The following ZNF667 variants were observed in gnomAD, a reference collection of about 807,000 sequenced individuals.
The protein encoded by ZNF667 is zinc finger protein 667.
ZNF667 carries 13 observed loss-of-function variants against 31.8 expected under a neutral mutation model. That is an observed-to-expected ratio of 0.41 (90% confidence interval 0.27 to 0.65). ZNF667 has a LOEUF of 0.65. Among genes scored for constraint, ZNF667 ranks in the 30% least tolerant of loss-of-function variants. ZNF667 has a pLI of 0.32. For missense variants in ZNF667, 642 were observed against 725.6 expected (o/e 0.88, Z 1.32); for synonymous variants, 228 against 247.1 (o/e 0.92, Z 0.73).
intron 6 of ZNF667, chr19:56,444,301 G>A (rs1392454426): frequency 2.0e-5 from 8 of 398,146 alleles, no homozygotes; most frequent in African/African-American, 4.1e-5. Context: ...GGTGAAAGAC[G>A]AAGTAGGAGA....
At chr19:56,452,301 C>T (rs1461537235) in intron 6 of ZNF667, among the ~76,000 whole-genome samples, 4 of 152,060 alleles carry the variant, frequency 2.6e-5, no homozygotes, top group Admixed American at 6.5e-5. Flanking sequence ...CCGCCCACCT[C>T]GGCCTCCCAA....
At position 56,462,392 on chromosome 19, in the gene ZNF667, C is replaced by T; in HGVS notation, c.-22G>A. 1 of 1,614,114 alleles carries T rather than the reference C, an allele frequency of 6.2e-7. No homozygotes were observed. Among genetic ancestry groups the T allele is most frequent in the Non-Finnish European group, 8.5e-7 (1 of 1,179,994 alleles). ...GCATCCTTTCCTCCCCCTTTAGGGT[C>T]CACACTGAGAGATGGGCAGAGAGCT... is the stretch of plus-strand genomic sequence containing the variant. On this transcript the variant is annotated 5_prime_UTR_variant, in exon 4 of 7. Coordinates refer to ENST00000504904, the MANE Select transcript of ZNF667 (RefSeq NM_001321356.2).
At position 56,441,925 on chromosome 19, in the gene ZNF667, G is replaced by A. The variant is rs758989279; in HGVS notation, c.1070C>T (p.Pro357Leu). 1.5e-5 allele frequency: 25 copies of A among 1,614,090 alleles called. No homozygotes were observed. Among genetic ancestry groups the A allele is most frequent in the Non-Finnish European group, 1.9e-5 (23 of 1,180,026 alleles). ...LHQRIHTSEKPYKCDKCDKFF... is the reference protein window; with the variant it reads ...LHQRIHTSEKLYKCDKCDKFF... ...CTTGTCACATTTATCACATTTGTAC[G>A]GTTTCTCTGAAGTGTGAATTCTCTG... The change falls in exon 7 of 7, where the codon CCG becomes CTG. Residue 357 changes from proline to leucine, a missense_variant. Pro to Leu is a moderately conservative substitution (Grantham distance 98). Coordinates refer to ENST00000504904, the MANE Select transcript of ZNF667 (RefSeq NM_001321356.2). This position sits in a 1 kb window ranked among gnomAD's most constrained non-coding sequence, Gnocchi z 4.2.
Position 56,462,386 on chromosome 19 carries a change from T to C in ZNF667, c.-16A>G, listed in dbSNP as rs778211366. ...CAGAAGGCATCCTTTCCTCCCCCTT[T>C]AGGGTCCACACTGAGAGATGGGCAG... is the stretch of plus-strand genomic sequence containing the variant. On this transcript the variant is annotated 5_prime_UTR_variant, in exon 4 of 7. Transcript: ENST00000504904. The C allele has an allele frequency of 1.9e-6, 3 of 1,614,126 alleles. No individual in the cohort carries two copies. Among genetic ancestry groups the C allele is most frequent in the Non-Finnish European group, 2.5e-6 (3 of 1,180,004 alleles).
At chr19:56,458,332 G>C (rs2147765931) in intron 5 of ZNF667, 85 bp from the exon 6 acceptor site, 1 of 1,158,670 alleles carries the variant, frequency 8.6e-7, no homozygotes, top group Middle Eastern at 2.1e-4. Flanking sequence ...CAGGAATGCA[G>C]GTTTAGTAGC....
chr19:56,464,330 T>G (rs898878471), intron 3 of ZNF667, among the ~76,000 whole-genome samples: 2 of 152,030 alleles, frequency 1.3e-5, no homozygotes, highest in Non-Finnish European at 2.9e-5. Context: ...CCTGTCTCTA[T>G]AAAACATTAA....
intron 3 of ZNF667, among the ~76,000 whole-genome samples, chr19:56,467,421 A>G (rs2043186952): frequency 6.6e-6 from 1 of 152,196 alleles, no homozygotes; most frequent in Non-Finnish European, 1.5e-5. Flanking sequence ...CTGTCACACC[A>G]CAACAATCCA....
chr19:56,458,219 G>A lies in ZNF667; in HGVS notation c.189C>T (p.Ile63=). The change falls in exon 6 of 7, where the codon ATC becomes ATT. Residue 63 remains isoleucine (I), a synonymous_variant. Transcript: ENST00000504904. ...GTGCTTTCCCTTTCTCCAATAAGGT[G>A]ATCACATTTGGTCTCCGAAAGGAAA... The part of the protein sequence containing the change: ...LGLSFRRPNV[I]TLLEKGKAPW... 6.2e-7 allele frequency: 1 copy of A among 1,614,110 alleles called. No homozygotes were observed. Among genetic ancestry groups the A allele is most frequent in the South Asian group, 1.1e-5 (1 of 91,080 alleles).
At chr19:56,451,496 A>G (rs2042821169) in intron 6 of ZNF667, among the ~76,000 whole-genome samples, 1 of 152,200 alleles carries the variant, frequency 6.6e-6, no homozygotes, top group South Asian at 2.1e-4. Context: ...CAATAACTAC[A>G]GGTTACACAT....
intron 3 of ZNF667, chr19:56,467,658 G>T (rs748311417): frequency 6.6e-6 from 1 of 152,232 alleles, no homozygotes; most frequent in Non-Finnish European, 1.5e-5. Flanking sequence ...TTAAGCTGGG[G>T]TTCCCACAAT....
chr19:56,443,105 C>T (rs567680371), intron 6 of ZNF667, among the ~76,000 whole-genome samples: 1 of 152,096 alleles, frequency 6.6e-6, no homozygotes, highest in South Asian at 2.1e-4. Context: ...GCCTGGGGCT[C>T]AAGGTAGGAA....
rs1195512497 is a variant in ZNF667 at position 56,442,021 on chromosome 19, T to C, written c.974A>G (p.His325Arg). The C allele has an allele frequency of 1.4e-5, 23 of 1,614,134 alleles. No individual in the cohort carries two copies. Among genetic ancestry groups the C allele is most frequent in the Non-Finnish European group, 1.9e-5 (22 of 1,180,004 alleles). ...LSQSLQQRSH[H>R]LENPFKCRKC... ...TCTGCATTTAAAAGGATTCTCTAAA[T>C]GGTGACTTCTTTGCTGTAGACTCTG... is the stretch of plus-strand genomic sequence containing the variant. The change falls in exon 7 of 7, where the codon CAT (histidine) becomes CGT (arginine). Residue 325 changes from histidine (H) to arginine (R), a missense_variant. Transcript: ENST00000504904.
chr19:56,462,302 T>C (rs1391337538), intron 4 of ZNF667, 36 bp downstream of exon 4: 3 of 1,613,748 alleles, frequency 1.9e-6, no homozygotes, highest in South Asian at 1.1e-5. Flanking sequence ...CAAGACACGA[T>C]GGGGTGTTCC....
chr19:56,466,613 G>A (rs763435926), intron 3 of ZNF667, among the ~76,000 whole-genome samples: 1 of 152,116 alleles, frequency 6.6e-6, no homozygotes, highest in Non-Finnish European at 1.5e-5. Flanking sequence ...GTAGCTAGGC[G>A]CTCACAAGGC....
At chr19:56,465,862 G>T (rs2043148176) in intron 3 of ZNF667, among the ~76,000 whole-genome samples, 3 of 152,224 alleles carry the variant, frequency 2.0e-5, no homozygotes, top group South Asian at 4.1e-4. Context: ...TCCCTACACG[G>T]ATATAAAACT....
In ZNF667 at chr19:56,458,174, T is replaced by A. The variant is rs1311273117; in HGVS notation, c.234A>T (p.Val78=). The A allele has an allele frequency of 9.3e-6, 15 of 1,614,222 alleles. No individual in the cohort carries two copies. Among genetic ancestry groups the A allele is most frequent in the Non-Finnish European group, 1.1e-5 (13 of 1,180,036 alleles). The change falls in exon 6 of 7, where the codon GTA becomes GTT. Residue 78 remains valine, a synonymous_variant. Coordinates refer to ENST00000504904, the MANE Select transcript of ZNF667 (RefSeq NM_001321356.2). ...KGKAPWMVEP[V]RRRRAPDSGS... is the part of the protein sequence containing the mutation. ...ACTCACCAGGAGCCCGGCGTCTTCTTACTGGCTCTACCATCCAGGGTGCTT... is the reference window on the plus strand; with the variant it reads ...ACTCACCAGGAGCCCGGCGTCTTCTAACTGGCTCTACCATCCAGGGTGCTT...
At chr19:56,447,347 C>G (rs1330974078) in intron 6 of ZNF667, among the ~76,000 whole-genome samples, 1 of 152,106 alleles carries the variant, frequency 6.6e-6, no homozygotes, top group Non-Finnish European at 1.5e-5. Flanking sequence ...AAAAACAATT[C>G]ACGAGAATAA....
chr19:56,460,600 G>A (rs991012033), intron 5 of ZNF667, 89 bp downstream of exon 5: 1 of 1,414,376 alleles, frequency 7.1e-7, no homozygotes, highest in Non-Finnish European at 9.4e-7. Flanking sequence ...AAAAGAAACT[G>A]CAGTGGCTTC....
In ZNF667 at chr19:56,441,421, TTC is replaced by T. The variant is rs756393050; in HGVS notation, c.1572_1573del (p.Lys525AlafsTer9). 5 of 1,614,160 alleles carry T rather than the reference TTC, an allele frequency of 3.1e-6. No individual in the cohort carries two copies. The South Asian group carries it at 3.3e-5, about 11-fold the overall frequency. Reference sequence around the variant, plus strand: ...ACCACATGTTTTGCATGTATATGGCTTCTCTCCAGTGTGAATTCTTTCATGTT... The same window carrying T: ...ACCACATGTTTTGCATGTATATGGCTTCTCCAGTGTGAATTCTTTCATGTT... On this transcript the variant is annotated frameshift_variant, in exon 7 of 7. Coordinates refer to ENST00000504904, the MANE Select transcript of ZNF667 (RefSeq NM_001321356.2). LOFTEE classifies it high-confidence loss of function. The surrounding 1 kb of genome is among the most constrained non-coding windows in gnomAD (Gnocchi z 4.2).
Sources: gnomAD v4.1 joint callset for allele counts (sites outside exome capture counted in the v4.1 genomes callset) on GRCh38, gnomAD v4.1.1 for gene constraint, Gnocchi (gnomAD v3.1) non-coding constraint, MANE v1.5 for transcripts, NCBI Gene and HGNC (gene_info 2026-07-23, HGNC 2026-07-21) for gene names.